Variants in MARCHF1 observed in about 807,000 individuals in gnomAD.
The protein encoded by MARCHF1 is membrane associated ring-CH-type finger 1.
In MARCHF1, 40 loss-of-function variants were observed where a neutral mutation model predicts 54.2. The observed-to-expected ratio is 0.74, with a 90% CI of 0.57 to 0.96. The LOEUF (loss-of-function observed/expected upper bound fraction) is 0.96, where lower values mean the gene tolerates loss of function less well. Ranked by LOEUF, MARCHF1 falls within the 40% of genes least tolerant of loss-of-function variation. MARCHF1 has a pLI of 0.00. For synonymous variants in MARCHF1, 236 were observed against 236.3 expected (o/e 1.00, Z 0.01); for missense variants, 586 against 656.5 (o/e 0.89, Z 1.17).
intron 1 of MARCHF1, chr4:164,189,023 G>T (rs1731052793): frequency 1.4e-6 from 1 of 694,178 alleles, no homozygotes; most frequent in Non-Finnish European, 2.6e-6. Context: ...TAAGAGGGAG[G>T]GGGAGAAGAC....
intron 5 of MARCHF1, among the ~76,000 whole-genome samples, chr4:163,681,089 A>G (rs971262568): frequency 6.6e-6 from 1 of 151,848 alleles, no homozygotes; most frequent in African/African-American, 2.4e-5. Flanking sequence ...TGCTAACCAG[A>G]TATTAAAGGG....
rs77654302 is a variant in MARCHF1, at chr4:164,210,726, G to A, written c.-322-99064C>T. On this transcript the variant is annotated intron_variant, in intron 1 of 9. Coordinates refer to ENST00000514618, the MANE Select transcript of MARCHF1 (RefSeq NM_001394959.1). ...AGCAAAGTTGACTGAGATGCAATCAGAAAGGCAGGAGGAATCTGACTCCCA... is the reference window on the plus strand; with the variant it reads ...AGCAAAGTTGACTGAGATGCAATCAAAAAGGCAGGAGGAATCTGACTCCCA... Among the ~76,000 whole-genome samples, 7 of 152,170 alleles carry A rather than the reference G, an allele frequency of 4.6e-5. No individual in the cohort carries two copies. In the East Asian group the frequency reaches 1.4e-3, roughly 29 times the overall value.
intron 4 of MARCHF1, among the ~76,000 whole-genome samples, chr4:163,802,032 T>C (rs774821849): frequency 3.7e-4 from 56 of 152,148 alleles, no homozygotes; most frequent in Non-Finnish European, 6.8e-4. Context: ...GATTTGACAA[T>C]CCTATTTCAG....
intron 4 of MARCHF1, among the ~76,000 whole-genome samples, chr4:163,753,589 C>G (rs1471066940): frequency 6.6e-6 from 1 of 151,966 alleles, no homozygotes; most frequent in Admixed American, 6.6e-5. Context: ...AACTCTGAGC[C>G]TTACTAGTTC....
intron 1 of MARCHF1, among the ~76,000 whole-genome samples, chr4:164,314,167 T>C (rs528613261): frequency 6.6e-6 from 1 of 152,364 alleles, no homozygotes; most frequent in South Asian, 2.1e-4. Flanking sequence ...GATCGTTTCT[T>C]TCATCATGAC....
At chr4:164,372,276 C>G (rs944198775) in intron 1 of MARCHF1, among the ~76,000 whole-genome samples, 5 of 152,110 alleles carry the variant, frequency 3.3e-5, no homozygotes. Flanking sequence ...TACAAAAACT[C>G]TTTCTAGAAG....
At chr4:164,002,606 A>G (rs556781747) in intron 2 of MARCHF1, among the ~76,000 whole-genome samples, 27 of 151,874 alleles carry the variant, frequency 1.8e-4, no homozygotes, top group African/African-American at 6.3e-4. Flanking sequence ...ACTGGAGTAC[A>G]AGAAGTAGAG....
chr4:163,609,711 T>G (rs1741268552), intron 7 of MARCHF1, among the ~76,000 whole-genome samples: 1 of 151,724 alleles, frequency 6.6e-6, no homozygotes, highest in South Asian at 2.1e-4. Flanking sequence ...GGAACCTTTT[T>G]TATTCTTAAA....
At chr4:163,909,986 CATT>C (rs1412488444) in intron 3 of MARCHF1, among the ~76,000 whole-genome samples, 1 of 152,110 alleles carries the variant, frequency 6.6e-6, no homozygotes, top group Non-Finnish European at 1.5e-5. Flanking sequence ...AATTTTTTCT[CATT>C]AGAGTACACT....
chr4:163,730,708 G>A lies in MARCHF1; in HGVS notation c.112-29845C>T, dbSNP rs116194474. On this transcript the variant is annotated intron_variant, in intron 4 of 9. Coordinates refer to ENST00000514618, the MANE Select transcript of MARCHF1 (RefSeq NM_001394959.1). ...TTTTTGATTGTTGTAAGTTGCCTCT[G>A]TGTTCATGATCAGCCTGAAGAGTAA... is the stretch of plus-strand genomic sequence containing the variant. Among the ~76,000 whole-genome samples, 494 of 152,170 alleles carry A rather than the reference G, an allele frequency of 3.2e-3. 1 individual carries two copies. Among genetic ancestry groups the A allele is most frequent in the African/African-American group, 0.011 (449 of 41,528 alleles).
At chr4:164,234,184 T>C (rs908620425) in intron 1 of MARCHF1, among the ~76,000 whole-genome samples, 1 of 152,108 alleles carries the variant, frequency 6.6e-6, no homozygotes, top group Non-Finnish European at 1.5e-5. Context: ...CTGGATGCAA[T>C]AGAATGATTT....
rs1334533243 is a variant in MARCHF1 at position 163,737,174 on chromosome 4, T to C, written c.112-36311A>G. On this transcript the variant is annotated intron_variant, in intron 4 of 9. Transcript: ENST00000514618. ...GCAGCTTTTTTCTTTCTTTTTTTTT[T>C]TTTTTTTTCACATATTAGTTTATTT... 3.9e-4 allele frequency among the ~76,000 whole-genome samples: 29 copies of C among 73,750 alleles called. 5 individuals carry two copies. Among genetic ancestry groups the C allele is most frequent in the South Asian group, 1.7e-3 (4 of 2,304 alleles). The allele number at this position is 73,750 out of a possible 152,430, so 48.4% of individuals were successfully genotyped here. A position where few individuals can be genotyped will look rare whatever the true frequency, so the allele number is the denominator to read the frequency against.
At chr4:164,193,294 A>G (rs1017909588) in intron 1 of MARCHF1, among the ~76,000 whole-genome samples, 1 of 152,098 alleles carries the variant, frequency 6.6e-6, no homozygotes, top group Non-Finnish European at 1.5e-5. Flanking sequence ...AAGAAAAAGC[A>G]TGACTATTCT....
chr4:164,100,835 T>C (rs976880181), intron 2 of MARCHF1, among the ~76,000 whole-genome samples: 2 of 152,194 alleles, frequency 1.3e-5, no homozygotes, highest in Admixed American at 6.5e-5. Context: ...GATTTCTGCA[T>C]TTCCATCTGA....
At chr4:163,966,518 A>C (rs1752447273) in intron 3 of MARCHF1, among the ~76,000 whole-genome samples, 1 of 152,118 alleles carries the variant, frequency 6.6e-6, no homozygotes, top group African/African-American at 2.4e-5. Flanking sequence ...ATACAATAAT[A>C]GTAAGGGTGA....
At chr4:163,704,566 T>C (rs1437411262) in intron 4 of MARCHF1, among the ~76,000 whole-genome samples, 1 of 151,518 alleles carries the variant, frequency 6.6e-6, no homozygotes, top group Non-Finnish European at 1.5e-5. Flanking sequence ...ATTGAGCCAA[T>C]ACAATTAGAA....
chr4:163,907,875 C>A (rs765133545), intron 3 of MARCHF1, among the ~76,000 whole-genome samples: 23 of 152,024 alleles, frequency 1.5e-4, no homozygotes, highest in Non-Finnish European at 2.9e-4. Flanking sequence ...ACATGACTCC[C>A]CCATTATATT....
intron 1 of MARCHF1, among the ~76,000 whole-genome samples, chr4:164,340,801 G>C (rs1464278030): frequency 6.6e-6 from 1 of 151,438 alleles, no homozygotes; most frequent in East Asian, 2.0e-4. Flanking sequence ...CAAGCAATCT[G>C]CCTGCCTTGA....
At chr4:164,078,703 C>A (rs536668735) in intron 2 of MARCHF1, among the ~76,000 whole-genome samples, 1 of 152,202 alleles carries the variant, frequency 6.6e-6, no homozygotes, top group East Asian at 1.9e-4. Flanking sequence ...CAAGAACTGG[C>A]CTAACAGCAA....
Sources: gnomAD v4.1 joint callset for allele counts (sites outside exome capture counted in the v4.1 genomes callset) on GRCh38, gnomAD v4.1.1 for gene constraint, MANE v1.5 for transcripts, NCBI Gene and HGNC (gene_info 2026-07-23, HGNC 2026-07-21) for gene names.